Variants in GSTM5 observed in about 807,000 individuals in gnomAD.
GSTM5 encodes glutathione S-transferase mu 5.
GSTM5 carries 24 observed loss-of-function variants against 29.0 expected under a neutral mutation model. That is an observed-to-expected ratio of 0.83 (90% CI 0.60 to 1.16). The LOEUF (loss-of-function observed/expected upper bound fraction) is 1.16. Among genes scored for constraint, GSTM5 ranks in the 50% most tolerant of loss-of-function variants. GSTM5 has a pLI of 0.00. For synonymous variants in GSTM5, 91 were observed against 93.6 expected (o/e 0.97, Z 0.16); for missense variants, 290 against 263.0 (o/e 1.10, Z -0.71).
At chr1:109,715,934 C>A in intron 7 of GSTM5, 2 of 827,894 alleles carry the variant, frequency 2.4e-6, no homozygotes, top group Non-Finnish European at 3.8e-6. Flanking sequence ...TCCACGTCTT[C>A]CCCCTGTGAG....
chr1:109,713,846 G>T, intron 5 of GSTM5, 85 bp downstream of exon 5: 1 of 916,318 alleles, frequency 1.1e-6, no homozygotes, highest in Non-Finnish European at 1.7e-6. Context: ...CAGGTCTGTA[G>T]CAGACTCCGG....
intron 5 of GSTM5, chr1:109,714,695 C>T (rs1648682033): frequency 3.6e-6 from 2 of 556,806 alleles, no homozygotes; most frequent in Non-Finnish European, 6.5e-6. Context: ...GACCCAGAGG[C>T]TATTGGGAGG....
Position 109,713,191 on chromosome 1 carries a change from C to T in GSTM5, c.177+8C>T. ...GGCCTGGACTTTCCCAATGTAGGTG[C>T]AGGGGAAGGGGCGGTTTTGGGGGAA... is the stretch of plus-strand genomic sequence containing the variant. On this transcript the variant is annotated splice_region_variant and intron_variant, in intron 3 of 7. Coordinates refer to ENST00000256593, the MANE Select transcript of GSTM5 (RefSeq NM_000851.4). 1.2e-6 allele frequency: 2 copies of T among 1,612,268 alleles called. No homozygotes were observed. The highest frequency in any genetic ancestry group is 1.7e-6 in the Non-Finnish European group (2 of 1,179,822).
At chr1:109,712,129 G>T, upstream of GSTM5, 2 of 680,982 alleles carry the variant, frequency 2.9e-6, no homozygotes, top group Non-Finnish European at 5.3e-6. Context: ...TGGGAGGCGG[G>T]AGGGGGCTTA....
Position 109,717,446 on chromosome 1 carries a change from A to T in GSTM5, c.*20A>T. The T allele has an allele frequency of 6.3e-7, 1 of 1,589,466 alleles. No individual in the cohort carries two copies. Among genetic ancestry groups the T allele is most frequent in the Non-Finnish European group, 8.6e-7 (1 of 1,157,610 alleles). Reference sequence around the variant, plus strand: ...AAATAGGGCCCAGTGATGCCAGAAGATGGGAGGGAGGAGCCAACCTTGCTG... The same window carrying T: ...AAATAGGGCCCAGTGATGCCAGAAGTTGGGAGGGAGGAGCCAACCTTGCTG... On this transcript the variant is annotated 3_prime_UTR_variant, in exon 8 of 8. Coordinates refer to ENST00000256593, the MANE Select transcript of GSTM5 (RefSeq NM_000851.4).
At chr1:109,712,799 C>G (rs1648605075) in intron 2 of GSTM5, 106 bp downstream of exon 2, 2 of 1,298,394 alleles carry the variant, frequency 1.5e-6, no homozygotes, top group Admixed American at 1.7e-5. Context: ...CCTGCTGGAG[C>G]TGCAGGCTGT....
chr1:109,716,116 G>C (rs1050176632), intron 7 of GSTM5: 1 of 325,464 alleles, frequency 3.1e-6, no homozygotes, highest in African/African-American at 2.2e-5. Context: ...CCTGGGTACC[G>C]GGCCTGGGGC....
At chr1:109,712,810 C>G in intron 2 of GSTM5, 117 bp downstream of exon 2, 2 of 1,217,036 alleles carry the variant, frequency 1.6e-6, no homozygotes, top group African/African-American at 1.5e-5. Context: ...TGCAGGCTGT[C>G]CCTTCCCTGA....
In GSTM5 at chr1:109,717,595, A is replaced by T. The variant is rs187733347; in HGVS notation, c.*169A>T. The T allele has an allele frequency of 5.1e-5, 29 of 568,650 alleles. No homozygotes were observed. The highest frequency in any genetic ancestry group is 1.6e-5 in the Non-Finnish European group (5 of 314,214). 35.2% of individuals were successfully genotyped at this position (568,650 alleles called of 1,614,324 possible). Reference sequence around the variant, plus strand: ...TTCTTCTAACATCATCCCTCCCCGCATCGAGGCTCTTTAAAGCTTCAGCTC... The same window carrying T: ...TTCTTCTAACATCATCCCTCCCCGCTTCGAGGCTCTTTAAAGCTTCAGCTC... On this transcript the variant is annotated 3_prime_UTR_variant, in exon 8 of 8. Coordinates refer to ENST00000256593, the MANE Select transcript of GSTM5 (RefSeq NM_000851.4).
rs988404905 is a variant in GSTM5 at position 109,717,559 on chromosome 1, A to G, written c.*133A>G. 1 of 653,912 alleles carries G rather than the reference A, an allele frequency of 1.5e-6. No homozygotes were observed. Among genetic ancestry groups the G allele is most frequent in the Non-Finnish European group, 2.8e-6 (1 of 360,640 alleles). 40.5% of individuals were successfully genotyped at this position (653,912 alleles called of 1,614,324 possible). A position where few individuals can be genotyped will look rare whatever the true frequency, so the allele number is the denominator to read the frequency against. On this transcript the variant is annotated 3_prime_UTR_variant, in exon 8 of 8. Coordinates refer to ENST00000256593, the MANE Select transcript of GSTM5 (RefSeq NM_000851.4). ...ACTCTCTTCTCTTCCCCAAGGCCTCATTGGCTTCCTTTCTTCTAACATCAT... is the reference window on the plus strand; with the variant it reads ...ACTCTCTTCTCTTCCCCAAGGCCTCGTTGGCTTCCTTTCTTCTAACATCAT...
intron 7 of GSTM5, chr1:109,716,384 G>A (rs561368875): frequency 9.4e-5 from 15 of 159,456 alleles, no homozygotes; most frequent in South Asian, 9.3e-4. Context: ...GGGAACAGCC[G>A]AGGGCTGGGG....
At chr1:109,713,251 C>T in intron 3 of GSTM5, 68 bp downstream of exon 3, 2 of 1,603,816 alleles carry the variant, frequency 1.2e-6, no homozygotes, top group Non-Finnish European at 1.7e-6. Context: ...CTCCTCTCCC[C>T]ACCTTAGAGG....
chr1:109,715,067 T>A (rs775844554), intron 6 of GSTM5, 25 bp downstream of exon 6: 5 of 1,613,518 alleles, frequency 3.1e-6, no homozygotes, highest in Non-Finnish European at 4.2e-6. Context: ...ATATGGGGAA[T>A]GAGATCTGTT....
chr1:109,711,883 T>A (rs1648520732), upstream of GSTM5, among the ~76,000 whole-genome samples: 1 of 136,336 alleles, frequency 7.3e-6, no homozygotes, highest in African/African-American at 2.5e-5. Flanking sequence ...CCAGAGCCCT[T>A]GGGAACTCGG....
In GSTM5 at chr1:109,713,526, A is replaced by G. The variant is rs1557971349; in HGVS notation, c.220A>G (p.Asn74Asp). ...IDGAHKITQSNAILRYIARKH... is the reference protein window; with the variant it reads ...IDGAHKITQSDAILRYIARKH... ...TGGGGCTCACAAGATCACCCAGAGCAATGCCATCCTGCGCTACATTGCCCG... is the reference window on the plus strand; with the variant it reads ...TGGGGCTCACAAGATCACCCAGAGCGATGCCATCCTGCGCTACATTGCCCG... The change falls in exon 4 of 8, where the codon AAT becomes GAT. Residue 74 changes from asparagine (N) to aspartate (D), a missense_variant. By Grantham distance (23) the Asn-to-Asp change is conservative. Coordinates refer to ENST00000256593, the MANE Select transcript of GSTM5 (RefSeq NM_000851.4). 1 of 1,614,234 alleles carries G rather than the reference A, an allele frequency of 6.2e-7. No individual in the cohort carries two copies. Among genetic ancestry groups the G allele is most frequent in the South Asian group, 1.1e-5 (1 of 91,088 alleles).
intron 7 of GSTM5, chr1:109,715,642 G>C: frequency 2.9e-6 from 2 of 698,984 alleles, no homozygotes; most frequent in Non-Finnish European, 2.2e-6. Context: ...CTTTGAAAGA[G>C]GCAGAGCACT....
chr1:109,713,272 A>G, intron 3 of GSTM5, 89 bp downstream of exon 3: 2 of 1,585,698 alleles, frequency 1.3e-6, no homozygotes, highest in Non-Finnish European at 1.7e-6. Flanking sequence ...TGTTAAGATC[A>G]GGAGTCTTCT....
rs1648543228 is a variant in GSTM5, at chr1:109,712,266, C to A, written c.-47C>A. 2 of 1,609,602 alleles carry A rather than the reference C, an allele frequency of 1.2e-6. No individual in the cohort carries two copies. The highest frequency in any genetic ancestry group is 1.7e-6 in the Non-Finnish European group (2 of 1,175,938). On this transcript the variant is annotated 5_prime_UTR_variant, in exon 1 of 8. Coordinates refer to ENST00000256593, the MANE Select transcript of GSTM5 (RefSeq NM_000851.4). ...CCTCCTGGGCCTCTCAAAGTCTGAG[C>A]CCCGCTCCGCTGATGCCTGTCTGCA...
At chr1:109,715,785 C>T (rs1334528456) in intron 7 of GSTM5, 1 of 404,260 alleles carries the variant, frequency 2.5e-6, no homozygotes, top group South Asian at 2.2e-5. Flanking sequence ...GTGGAAAATC[C>T]TGAGATCCGG....
Sources: gnomAD v4.1 joint callset for allele counts (sites outside exome capture counted in the v4.1 genomes callset) on GRCh38, gnomAD v4.1.1 for gene constraint, MANE v1.5 for transcripts, NCBI Gene and HGNC (gene_info 2026-07-23, HGNC 2026-07-21) for gene names.